THRB: variants seen among roughly 807,000 people sequenced by gnomAD.
THRB encodes the protein nuclear receptor subfamily 1 group A member 2.
In THRB, 12 loss-of-function variants were observed where a neutral mutation model predicts 47.8. The observed-to-expected ratio is 0.25, with a 90% CI of 0.16 to 0.41. The LOEUF is 0.41. Among genes scored for constraint, THRB ranks in the 10% least tolerant of loss-of-function variants. The probability of loss-of-function intolerance (pLI) is 1.00; values close to 1 mark genes in which losing one functional copy is unlikely to be tolerated. For missense variants in THRB, 348 were observed against 589.2 expected, an observed-to-expected ratio of 0.59 and a Z score of 4.24; for synonymous variants, 218 against 212.2, an observed-to-expected ratio of 1.03 and a Z score of -0.24.
chr3:24,163,414 C>T (rs189144256), intron 5 of THRB, among the ~76,000 whole-genome samples: 1 of 151,944 alleles, frequency 6.6e-6, no homozygotes, highest in Admixed American at 6.6e-5. Flanking sequence ...GCAAATATTC[C>T]CCAGTGTTGG....
chr3:24,149,241 C>G (rs2036543177), intron 6 of THRB, among the ~76,000 whole-genome samples: 1 of 152,174 alleles, frequency 6.6e-6, no homozygotes, highest in African/African-American at 2.4e-5. Flanking sequence ...TAGCACGCCT[C>G]CTTCTGGAGG....
chr3:24,197,457 ATG>A (rs909638974), intron 4 of THRB, among the ~76,000 whole-genome samples: 2 of 152,162 alleles, frequency 1.3e-5, no homozygotes, highest in Admixed American at 1.3e-4. Flanking sequence ...ATATTTGTCT[ATG>A]TCTCTTCTAT....
intron 5 of THRB, among the ~76,000 whole-genome samples, chr3:24,188,627 T>C (rs1461872102): frequency 1.3e-5 from 2 of 152,104 alleles, no homozygotes; most frequent in African/African-American, 4.8e-5. Flanking sequence ...AGTTTTCTGT[T>C]GGCGTTTCAC....
chr3:24,440,711 A>T (rs1254752180), intron 1 of THRB, among the ~76,000 whole-genome samples: 1 of 152,022 alleles, frequency 6.6e-6, no homozygotes, highest in East Asian at 1.9e-4. Flanking sequence ...TTTTTTTCCC[A>T]TGTAGAGTAA....
intron 3 of THRB, among the ~76,000 whole-genome samples, chr3:24,289,969 G>A (rs1257209446): frequency 6.6e-6 from 1 of 152,138 alleles, no homozygotes; most frequent in Non-Finnish European, 1.5e-5. Context: ...TACTTTTAAA[G>A]TCAATGCCTA....
intron 5 of THRB, among the ~76,000 whole-genome samples, chr3:24,180,205 T>A (rs2041715253): frequency 6.6e-6 from 1 of 152,216 alleles, no homozygotes; most frequent in African/African-American, 2.4e-5. Context: ...AAGAGCTGAA[T>A]ACATATCTTT....
intron 2 of THRB, among the ~76,000 whole-genome samples, chr3:24,316,599 C>A (rs1247320751): frequency 5.3e-5 from 8 of 152,146 alleles, no homozygotes; most frequent in Admixed American, 1.3e-4. Context: ...TTCATCCTCT[C>A]TTGAATTATT....
chr3:24,431,258 C>G (rs988028750), intron 1 of THRB, among the ~76,000 whole-genome samples: 5 of 84,484 alleles, frequency 5.9e-5, no homozygotes, highest in Admixed American at 1.8e-4. Flanking sequence ...CTCTCTCTCT[C>G]TCTACACACA....
intron 1 of THRB, among the ~76,000 whole-genome samples, chr3:24,412,376 A>T (rs1042828542): frequency 1.3e-5 from 2 of 151,810 alleles, no homozygotes; most frequent in African/African-American, 4.8e-5. Flanking sequence ...GAGAAGCTTT[A>T]AAAAATTACA....
rs146626244 is a variant in THRB, at chr3:24,276,969, T to A, written c.-43+20257A>T. Among the ~76,000 whole-genome samples the A allele has an allele frequency of 3.9e-4, 60 of 152,202 alleles. 1 individual carries two copies. The East Asian group carries it at 0.011, about 27-fold the overall frequency. On this transcript the variant is annotated intron_variant, in intron 3 of 10. Coordinates refer to ENST00000646209, the MANE Select transcript of THRB (RefSeq NM_001354712.2). The stretch of plus-strand genomic sequence containing the variant: ...ATATGCAAACTTCAAAATAAAAAAC[T>A]ACTTAAAATATTTAAGTTTCCAGTA...
At chr3:24,321,542 G>T (rs892110919) in intron 2 of THRB, among the ~76,000 whole-genome samples, 1 of 152,074 alleles carries the variant, frequency 6.6e-6, no homozygotes, top group East Asian at 1.9e-4. Context: ...ATGGCAGTTT[G>T]GGATGATTTT....
rs62253692 is a variant in THRB, at chr3:24,210,940, T to G, written c.22+17998A>C. Reference sequence around the variant, plus strand: ...GGGGCCAAGTGCGGTGGCTCATGCCTGTAATGCTAGCACTTTGGGAGGCTG... The same window carrying G: ...GGGGCCAAGTGCGGTGGCTCATGCCGGTAATGCTAGCACTTTGGGAGGCTG... On this transcript the variant is annotated intron_variant, in intron 4 of 10. Coordinates refer to ENST00000646209, the MANE Select transcript of THRB (RefSeq NM_001354712.2). Among the ~76,000 whole-genome samples the G allele has an allele frequency of 5.8e-3, 878 of 152,282 alleles. 7 individuals are homozygous for G. Among genetic ancestry groups the G allele is most frequent in the South Asian group, 0.042 (202 of 4,828 alleles).
chr3:24,341,662 C>A (rs1171471139), intron 1 of THRB, among the ~76,000 whole-genome samples: 2 of 152,098 alleles, frequency 1.3e-5, no homozygotes, highest in African/African-American at 2.4e-5. Context: ...AGTCTATTCT[C>A]CTGTGCTTTT....
chr3:24,400,492 T>G (rs2067304048), intron 1 of THRB, among the ~76,000 whole-genome samples: 1 of 151,914 alleles, frequency 6.6e-6, no homozygotes, highest in South Asian at 2.1e-4. Flanking sequence ...AAATTAAACA[T>G]AAATGAAACA....
At chr3:24,167,486 T>C (rs59031416) in intron 5 of THRB, among the ~76,000 whole-genome samples, 2,084 of 152,338 alleles carry the variant, frequency 0.014, 47 homozygotes, top group African/African-American at 0.047. Context: ...AAACATTTCA[T>C]TGGAAGCAAT....
chr3:24,234,842 G>A (rs1051968219), intron 3 of THRB, among the ~76,000 whole-genome samples: 1 of 152,202 alleles, frequency 6.6e-6, no homozygotes, highest in Non-Finnish European at 1.5e-5. Flanking sequence ...AAAGCCCAGG[G>A]TATGTGACTG....
chr3:24,389,926 T>C (rs945086517), intron 1 of THRB, among the ~76,000 whole-genome samples: 12 of 152,160 alleles, frequency 7.9e-5, no homozygotes, highest in African/African-American at 2.4e-4. Flanking sequence ...TCAACAGGTA[T>C]TTGTGGAGCA....
intron 1 of THRB, among the ~76,000 whole-genome samples, chr3:24,372,647 A>C (rs888464915): frequency 2.6e-5 from 4 of 152,048 alleles, no homozygotes; most frequent in African/African-American, 9.7e-5. Flanking sequence ...AGTCAATCCC[A>C]TTCACATAAT....
At position 24,157,403 on chromosome 3, in the gene THRB, G is replaced by A. The variant is rs78809206; in HGVS notation, c.284-4913C>T. 6.6e-4 allele frequency among the ~76,000 whole-genome samples: 100 copies of A among 152,224 alleles called. No individual in the cohort carries two copies. In the Middle Eastern group the frequency reaches 0.017, roughly 26 times the overall value. On this transcript the variant is annotated intron_variant, in intron 5 of 10. Transcript: ENST00000646209. The stretch of plus-strand genomic sequence containing the variant: ...AATCTAGAAAAGGGGATGAGGATAT[G>A]AGGCCAAAGGACCCTGGATTCTCAT...
Sources: allele counts gnomAD v4.1 joint callset (sites outside exome capture counted in the v4.1 genomes callset), GRCh38; gene constraint gnomAD v4.1.1; transcripts MANE v1.5; gene names NCBI Gene and HGNC (gene_info 2026-07-23, HGNC 2026-07-21).